The following RNF157 variants were observed in gnomAD, a reference collection of about 807,000 sequenced individuals.
The protein encoded by RNF157 is E3 ubiquitin ligase RNF157.
RNF157 carries 55 observed loss-of-function variants against 88.3 expected under a neutral mutation model. The ratio of observed to expected loss-of-function variants is 0.62; its 90% CI spans 0.50 to 0.78. The LOEUF is 0.78. RNF157 is among the 30% of genes least tolerant of loss of function. The probability of loss-of-function intolerance (pLI) is 0.00; values close to 1 mark genes in which losing one functional copy is unlikely to be tolerated. For synonymous variants in RNF157, 334 were observed against 341.2 expected (o/e 0.98, Z 0.23); for missense variants, 788 against 860.8 (o/e 0.92, Z 1.06).
At chr17:76,210,402 A>G (rs931311706) in intron 2 of RNF157, among the ~76,000 whole-genome samples, 3 of 151,692 alleles carry the variant, frequency 2.0e-5, no homozygotes, top group Non-Finnish European at 2.9e-5. Flanking sequence ...CATCCTGGCT[A>G]ACACAGTGAA....
intron 2 of RNF157, among the ~76,000 whole-genome samples, chr17:76,211,010 G>A (rs993250222): frequency 3.3e-5 from 5 of 152,160 alleles, no homozygotes; most frequent in Admixed American, 6.5e-5. Flanking sequence ...TCACCATGTT[G>A]GCCAGGCTGG....
intron 1 of RNF157, among the ~76,000 whole-genome samples, chr17:76,220,932 T>C (rs2069972064): frequency 6.7e-6 from 1 of 149,074 alleles, no homozygotes; most frequent in South Asian, 2.1e-4. Flanking sequence ...TACTCTGACC[T>C]GGGCAATAAA....
At chr17:76,155,139 G>A in intron 16 of RNF157, 113 bp downstream of exon 16, 1 of 856,392 alleles carries the variant, frequency 1.2e-6, no homozygotes. Context: ...ATGTCCCCTA[G>A]GAAGGCTTCG....
Position 76,166,547 on chromosome 17 carries a change from AAGGAAAAAAAAAG to A in RNF157, c.562-33_562-21del. On this transcript the variant is annotated intron_variant, in intron 5 of 18. Transcript: ENST00000269391. ...GCCAAGCTGAAGGGAAAGAAAAGGA[AAGGAAAAAAAAAG>A]AGGACTTAACACATTTACATGGCAC... 1 of 1,607,940 alleles carries A rather than the reference AAGGAAAAAAAAAG, an allele frequency of 6.2e-7. No individual in the cohort carries two copies. The highest frequency in any genetic ancestry group is 2.2e-5 in the East Asian group (1 of 44,844).
chr17:76,185,472 TTTC>T (rs1461027622), intron 2 of RNF157, among the ~76,000 whole-genome samples: 1 of 146,682 alleles, frequency 6.8e-6, no homozygotes, highest in Non-Finnish European at 1.5e-5. Flanking sequence ...AGATTAGTCC[TTTC>T]TTTTTTTTTT....
At chr17:76,163,828 CCCAGGTAGTGCCCTGGGCCTGA>C (rs2144844153) in intron 8 of RNF157, 1 of 152,362 alleles carries the variant, frequency 6.6e-6, no homozygotes, top group South Asian at 2.1e-4. Context: ...GCCTGGCCTG[CCCAGGTAGTGCCCTGGGCCTGA>C]GCCCAGGATC....
At chr17:76,145,465 C>A in intron 18 of RNF157, 112 bp from the exon 19 acceptor site, 1 of 706,418 alleles carries the variant, frequency 1.4e-6, no homozygotes, top group African/African-American at 1.7e-5. Context: ...TGCGTGTCAC[C>A]TGAGACTCCG....
intron 1 of RNF157, chr17:76,226,525 G>A (rs2070089225): frequency 1.4e-5 from 23 of 1,613,262 alleles, no homozygotes; most frequent in South Asian, 3.3e-5. Context: ...CACCAAAGTC[G>A]AACTCCTTCA....
At position 76,167,031 on chromosome 17, in the gene RNF157, G is replaced by A. The variant is rs1301817206; in HGVS notation, c.539C>T (p.Pro180Leu). The A allele has an allele frequency of 1.2e-6, 2 of 1,610,766 alleles. No homozygotes were observed. The highest frequency in any genetic ancestry group is 2.7e-5 in the African/African-American group (2 of 74,878). Residue 180 changes from proline to leucine, a missense_variant, in exon 5 of 19, where the codon CCC (proline) becomes CTC (leucine). Pro to Leu is a moderately conservative substitution (Grantham distance 98). Transcript: ENST00000269391. ...QFCLPSHTVDPSEWAEEELGF... is the reference protein window; with the variant it reads ...QFCLPSHTVDLSEWAEEELGF... ...CACCTCCTCTTCGGCCCACTCGGAG[G>A]GATCCACGGTGTGGGAGGGCAGGCA...
intron 14 of RNF157, among the ~76,000 whole-genome samples, chr17:76,155,977 A>T (rs1296180742): frequency 6.6e-6 from 1 of 152,200 alleles, no homozygotes; most frequent in Non-Finnish European, 1.5e-5. Context: ...TGCTAAAGGA[A>T]ACCTCATTAC....
chr17:76,176,947 G>A lies in RNF157; in HGVS notation c.208-3157C>T, dbSNP rs1206526550. Among the ~76,000 whole-genome samples, 3 of 152,076 alleles carry A rather than the reference G, an allele frequency of 2.0e-5. No individual in the cohort carries two copies. The highest frequency in any genetic ancestry group is 4.8e-5 in the African/African-American group (2 of 41,416). On this transcript the variant is annotated intron_variant, in intron 2 of 18. Coordinates refer to ENST00000269391, the MANE Select transcript of RNF157 (RefSeq NM_052916.3). This position sits in a 1 kb window ranked among gnomAD's most constrained non-coding sequence, Gnocchi z 4.2. ...CCTGTGCCTCGGGAGGAGGTTCTGC[G>A]CAGCCCGTCTGGGGCTGCGCCCCCA...
rs549773226 is a variant in RNF157 at position 76,235,640 on chromosome 17, A to G, written c.88+4513T>C. Among the ~76,000 whole-genome samples the G allele has an allele frequency of 3.3e-4, 51 of 152,378 alleles. No homozygotes were observed. In the South Asian group the frequency reaches 0.01, roughly 30 times the overall value. ...TGCCTTTAAAAACTGTTCTTGCAAT[A>G]GGAAAGACCCATTTGACAAGAATAT... On this transcript the variant is annotated intron_variant, in intron 1 of 18. Transcript: ENST00000269391.
intron 8 of RNF157, 115 bp downstream of exon 8, chr17:76,164,633 G>A (rs1598396630): frequency 9.1e-6 from 5 of 549,682 alleles, no homozygotes; most frequent in Admixed American, 3.7e-5. Context: ...AAGAGGAAAA[G>A]GAGAGAGCAA....
intron 2 of RNF157, among the ~76,000 whole-genome samples, chr17:76,191,907 G>A (rs760847828): frequency 6.6e-6 from 1 of 152,156 alleles, no homozygotes. Flanking sequence ...CAAAATTTAC[G>A]TGTAATCAAC....
chr17:76,209,201 G>C (rs372758331), intron 2 of RNF157, among the ~76,000 whole-genome samples: 1 of 152,108 alleles, frequency 6.6e-6, no homozygotes, highest in Admixed American at 6.5e-5. Flanking sequence ...GAGTAGCTGG[G>C]ACCACAGGCA....
intron 17 of RNF157, 59 bp downstream of exon 17, chr17:76,154,224 A>T (rs1044766447): frequency 7.7e-7 from 1 of 1,302,686 alleles, no homozygotes; most frequent in Admixed American, 1.7e-5. Context: ...TTTACCCCTT[A>T]AAGAATACCC....
chr17:76,173,644 C>A, intron 3 of RNF157, 58 bp downstream of exon 3: 1 of 1,320,154 alleles, frequency 7.6e-7, no homozygotes, highest in Non-Finnish European at 1.1e-6. Context: ...TGTCCCCCAG[C>A]CCCCAGCCTC....
chr17:76,221,194 T>C (rs1029386495), intron 1 of RNF157, among the ~76,000 whole-genome samples: 9 of 152,260 alleles, frequency 5.9e-5, no homozygotes, highest in East Asian at 1.9e-4. Context: ...GAAGGAATGA[T>C]AGGATTAGAA....
chr17:76,211,995 G>A (rs2069809202), intron 2 of RNF157: 1 of 161,578 alleles, frequency 6.2e-6, no homozygotes, highest in African/African-American at 2.4e-5. Context: ...TTACGTTCTA[G>A]AGGAGGAGGC....
Sources: allele counts gnomAD v4.1 joint callset (sites outside exome capture counted in the v4.1 genomes callset), GRCh38; gene constraint gnomAD v4.1.1; non-coding constraint Gnocchi (gnomAD v3.1); transcripts MANE v1.5; gene names NCBI Gene and HGNC (gene_info 2026-07-23, HGNC 2026-07-21).